Variants in CHST12 observed in about 807,000 individuals in gnomAD.
CHST12 encodes the protein carbohydrate (chondroitin 4) sulfotransferase 12.
Under a neutral mutation model 27.9 loss-of-function variants are expected in CHST12, and 23 were observed. That is an observed-to-expected ratio of 0.82 (90% CI 0.59 to 1.17). The LOEUF is 1.17. CHST12 is among the 50% of genes most tolerant of loss of function. The pLI, the probability that CHST12 is intolerant of heterozygous loss-of-function variation, is 0.00. For synonymous variants in CHST12, 322 were observed against 273.0 expected, an observed-to-expected ratio of 1.18 and a Z score of -1.77; for missense variants, 682 against 603.0, an observed-to-expected ratio of 1.13 and a Z score of -1.37.
intron 1 of CHST12, among the ~76,000 whole-genome samples, chr7:2,418,881 TG>T (rs1781883639): frequency 2.0e-5 from 3 of 152,166 alleles, no homozygotes; most frequent in African/African-American, 7.2e-5. Flanking sequence ...ACTGCAGCCT[TG>T]ACCTCCTGGG....
chr7:2,415,994 T>C (rs1163916480), intron 1 of CHST12, among the ~76,000 whole-genome samples: 1 of 152,254 alleles, frequency 6.6e-6, no homozygotes, highest in Non-Finnish European at 1.5e-5. Context: ...TAGCACGTGA[T>C]GCTGTTTGAT....
chr7:2,430,531 G>A (rs1424835200), intron 1 of CHST12, among the ~76,000 whole-genome samples: 5 of 151,008 alleles, frequency 3.3e-5, no homozygotes, highest in Non-Finnish European at 7.4e-5. Context: ...TTGGCCAGGC[G>A]GGTCTTGAAC....
Position 2,434,612 on chromosome 7 carries a change from AAAAATG to A in CHST12, c.*730_*735del, listed in dbSNP as rs1782426719. 7.1e-6 allele frequency: 1 copy of A among 140,150 alleles called. No individual in the cohort carries two copies. The highest frequency in any genetic ancestry group is 3.0e-5 in the African/African-American group (1 of 33,284). The allele number at this position is 140,150 out of a possible 1,614,324, so 8.7% of individuals were successfully genotyped here. ...AAAAAAAAAAAAAAAAAAAAAAAAA[AAAAATG>A]AGTCGGGTGTGGTGGTGTGCACCTG... On this transcript the variant is annotated 3_prime_UTR_variant, in exon 2 of 2. Transcript: ENST00000618655.
At chr7:2,428,712 AG>A (rs1439290346) in intron 1 of CHST12, among the ~76,000 whole-genome samples, 5 of 152,242 alleles carry the variant, frequency 3.3e-5, no homozygotes, top group South Asian at 2.1e-4. Flanking sequence ...TTTACAATAT[AG>A]CATGTGCATC....
intron 1 of CHST12, among the ~76,000 whole-genome samples, chr7:2,422,761 CTT>C (rs1229022099): frequency 4.0e-5 from 6 of 150,858 alleles, no homozygotes; most frequent in Middle Eastern, 3.4e-3. Flanking sequence ...GTCTCGATCT[CTT>C]GACTTTGTGA....
intron 1 of CHST12, among the ~76,000 whole-genome samples, chr7:2,409,407 G>A (rs1183834505): frequency 1.3e-5 from 2 of 152,136 alleles, no homozygotes; most frequent in African/African-American, 2.4e-5. Context: ...TTGAGTCCAG[G>A]AGTTCAAGAC....
chr7:2,418,593 G>A (rs1388099162), intron 1 of CHST12, among the ~76,000 whole-genome samples: 2 of 152,168 alleles, frequency 1.3e-5, no homozygotes, highest in Non-Finnish European at 2.9e-5. Context: ...ATTACTTTAT[G>A]GCTTCAGTGT....
intron 1 of CHST12, among the ~76,000 whole-genome samples, chr7:2,413,488 C>G (rs1375427607): frequency 6.6e-6 from 1 of 152,212 alleles, no homozygotes; most frequent in African/African-American, 2.4e-5. Context: ...CCTCTGCAAT[C>G]AAACAGTAGA....
rs1204794730 is a variant in CHST12, at chr7:2,445,551, C to G, written c.*11667C>G. 6.6e-6 allele frequency: 1 copy of G among 152,222 alleles called. No homozygotes were observed. The highest frequency in any genetic ancestry group is 2.4e-5 in the African/African-American group (1 of 41,450). 9.4% of individuals were successfully genotyped at this position (152,222 alleles called of 1,614,324 possible). On this transcript the variant is annotated 3_prime_UTR_variant, in exon 2 of 2. Coordinates refer to ENST00000618655, the MANE Select transcript of CHST12 (RefSeq NM_018641.5). Reference sequence around the variant, plus strand: ...GTTCAAGTGGTTCTCATGCTTCAGCCTCCTGAGTAGCTGGGATTACAGGTG... The same window carrying G: ...GTTCAAGTGGTTCTCATGCTTCAGCGTCCTGAGTAGCTGGGATTACAGGTG...
rs754246193 is a variant in CHST12, at chr7:2,432,612, G to C, written c.-28G>C. 8.2e-6 allele frequency: 13 copies of C among 1,588,360 alleles called. No individual in the cohort carries two copies. The highest frequency in any genetic ancestry group is 6.8e-5 in the South Asian group (6 of 88,252). On this transcript the variant is annotated 5_prime_UTR_variant, in exon 2 of 2. Transcript: ENST00000618655. ...TGCAGGAAGCTGAAGTGAGAGGCCC[G>C]GAGAGGGCCCAGCCCGCCCGGGGCA...
chr7:2,416,378 G>A (rs1562511916), intron 1 of CHST12, among the ~76,000 whole-genome samples: 1 of 152,156 alleles, frequency 6.6e-6, no homozygotes, highest in African/African-American at 2.4e-5. Context: ...TTCTATTAAT[G>A]TTGCTATTTT....
At chr7:2,430,424 T>A (rs913980612) in intron 1 of CHST12, among the ~76,000 whole-genome samples, 1 of 152,174 alleles carries the variant, frequency 6.6e-6, no homozygotes, top group African/African-American at 2.4e-5. Flanking sequence ...CAAGCGATTC[T>A]CCTGCCTCAG....
chr7:2,432,509 A>G lies in CHST12; in HGVS notation c.-77-54A>G, dbSNP rs1782298976. The G allele has an allele frequency of 1.2e-5, 13 of 1,051,392 alleles. No individual in the cohort carries two copies. In the South Asian group the frequency reaches 2.1e-4, roughly 17 times the overall value. The allele number at this position is 1,051,392 out of a possible 1,614,324, so 65.1% of individuals were successfully genotyped here. A position where few individuals can be genotyped will look rare whatever the true frequency, so the allele number is the denominator to read the frequency against. ...AGTCCCCCACTGATCAGAAGGCAGG[A>G]GTCAGAGCCCCAGTGCACCTCAGTC... On this transcript the variant is annotated intron_variant, in intron 1 of 1. Transcript: ENST00000618655.
Position 2,433,028 on chromosome 7 carries a change from G to A in CHST12, c.389G>A (p.Gly130Asp), listed in dbSNP as rs1250381282. 2 of 1,611,340 alleles carry A rather than the reference G, an allele frequency of 1.2e-6. No homozygotes were observed. The highest frequency in any genetic ancestry group is 1.7e-5 in the Admixed American group (1 of 59,998). ...GCGGAGCGGAGGAGCGTGCTGCGGG[G>A]CTTCTGCGCCAACTCCAGCCTGGCC... ...QQAERRSVLR[G>D]FCANSSLAFP... Residue 130 changes from glycine to aspartate, a missense_variant, in exon 2 of 2, where the codon GGC becomes GAC. Coordinates refer to ENST00000618655, the MANE Select transcript of CHST12 (RefSeq NM_018641.5). The surrounding 1 kb of genome is among the most constrained non-coding windows in gnomAD (Gnocchi z 6.1).
At chr7:2,411,472 C>A (rs1036393875) in intron 1 of CHST12, among the ~76,000 whole-genome samples, 2 of 120,396 alleles carry the variant, frequency 1.7e-5, no homozygotes, top group Admixed American at 8.6e-5. Context: ...GAAATAATTT[C>A]TTTGAGTTAA....
chr7:2,441,722 A>T lies in CHST12; in HGVS notation c.*7838A>T, dbSNP rs891992819. Reference sequence around the variant, plus strand: ...AAAAAAAAAAAAAAAAAGGTGTTGTATTTTATCATTAGAAGGCCATCCTGT... The same window carrying T: ...AAAAAAAAAAAAAAAAAGGTGTTGTTTTTTATCATTAGAAGGCCATCCTGT... On this transcript the variant is annotated 3_prime_UTR_variant, in exon 2 of 2. Coordinates refer to ENST00000618655, the MANE Select transcript of CHST12 (RefSeq NM_018641.5). 6 of 148,196 alleles carry T rather than the reference A, an allele frequency of 4.0e-5. No homozygotes were observed. In the South Asian group the frequency reaches 6.5e-4, roughly 16 times the overall value. The allele number at this position is 148,196 out of a possible 1,614,324, so 9.2% of individuals were successfully genotyped here.
At position 2,433,641 on chromosome 7, in the gene CHST12, C is replaced by G. The variant is rs755697079; in HGVS notation, c.1002C>G (p.Ile334Met). The G allele has an allele frequency of 9.9e-6, 16 of 1,613,634 alleles. No homozygotes were observed. Among genetic ancestry groups the G allele is most frequent in the African/African-American group, 1.3e-5 (1 of 74,936 alleles). The change falls in exon 2 of 2, where the codon ATC becomes ATG. Residue 334 changes from isoleucine to methionine, a missense_variant. Physicochemically the swap from Ile to Met is conservative, Grantham distance 10. Coordinates refer to ENST00000618655, the MANE Select transcript of CHST12 (RefSeq NM_018641.5). This position sits in a 1 kb window ranked among gnomAD's most constrained non-coding sequence, Gnocchi z 6.1. Reference protein sequence around the residue: ...QVYRLCHPCQIDYDFVGKLET... With the variant: ...QVYRLCHPCQMDYDFVGKLET... ...ACCGCCTCTGCCACCCGTGCCAGAT[C>G]GACTACGACTTCGTGGGGAAGCTGG...
chr7:2,415,513 T>C (rs1781779222), intron 1 of CHST12, among the ~76,000 whole-genome samples: 1 of 152,178 alleles, frequency 6.6e-6, no homozygotes, highest in African/African-American at 2.4e-5. Flanking sequence ...CGAGTGGCAA[T>C]CTTTTTGCTG....
At position 2,442,856 on chromosome 7, in the gene CHST12, T is replaced by C. The variant is rs1200576773; in HGVS notation, c.*8972T>C. On this transcript the variant is annotated 3_prime_UTR_variant, in exon 2 of 2. Transcript: ENST00000618655. ...ATTCTCATAGGAGCGGGAACCCTCC[T>C]GTGAACCCTGCATACCAGGGTTCTC... 1 of 152,186 alleles carries C rather than the reference T, an allele frequency of 6.6e-6. No individual in the cohort carries two copies. The highest frequency in any genetic ancestry group is 1.5e-5 in the Non-Finnish European group (1 of 68,040). 9.4% of individuals were successfully genotyped at this position (152,186 alleles called of 1,614,324 possible).
Sources: allele counts gnomAD v4.1 joint callset (sites outside exome capture counted in the v4.1 genomes callset), GRCh38; gene constraint gnomAD v4.1.1; non-coding constraint Gnocchi (gnomAD v3.1); transcripts MANE v1.5; gene names NCBI Gene and HGNC (gene_info 2026-07-23, HGNC 2026-07-21).